FAM135B: variants seen among roughly 807,000 people sequenced by gnomAD.
FAM135B encodes protein FAM135B.
FAM135B carries 43 observed loss-of-function variants against 127.7 expected under a neutral mutation model. That is an observed-to-expected ratio of 0.34 (90% CI 0.26 to 0.43). FAM135B has a LOEUF of 0.43. Ranked by LOEUF, FAM135B falls within the 20% of genes least tolerant of loss-of-function variation. The pLI, the probability that FAM135B is intolerant of heterozygous loss-of-function variation, is 1.00. For synonymous variants in FAM135B, 670 were observed against 665.1 expected (o/e 1.01, Z -0.11); for missense variants, 1,558 against 1,725.6 (o/e 0.90, Z 1.72).
intron 3 of FAM135B, among the ~76,000 whole-genome samples, chr8:138,303,995 C>T (rs969386484): frequency 6.6e-6 from 1 of 152,224 alleles, no homozygotes; most frequent in African/African-American, 2.4e-5. Flanking sequence ...AGCTTTTGGA[C>T]ACAGATGCTA....
At position 138,480,979 on chromosome 8, in the gene FAM135B, G is replaced by A. The variant is rs145798570; in HGVS notation, c.-20+15692C>T. 7.9e-5 allele frequency among the ~76,000 whole-genome samples: 12 copies of A among 152,330 alleles called. No individual in the cohort carries two copies. In the East Asian group the frequency reaches 2.3e-3, roughly 29 times the overall value. ...AGATTACAGGAGAAAACCCTTGTCT[G>A]TTGAATGAACATGTGTTTGAACACA... On this transcript the variant is annotated intron_variant, in intron 1 of 19. Transcript: ENST00000395297.
chr8:138,228,954 T>A (rs1158792328), intron 7 of FAM135B, among the ~76,000 whole-genome samples: 1 of 152,148 alleles, frequency 6.6e-6, no homozygotes, highest in Non-Finnish European at 1.5e-5. Flanking sequence ...GTCTGCTGAT[T>A]GGGTTCCAAA....
intron 1 of FAM135B, among the ~76,000 whole-genome samples, chr8:138,467,842 G>C (rs1837458816): frequency 1.3e-5 from 2 of 152,140 alleles, no homozygotes; most frequent in Admixed American, 1.3e-4. Flanking sequence ...TATGAATGTA[G>C]AGTATACATT....
intron 9 of FAM135B, among the ~76,000 whole-genome samples, chr8:138,187,345 C>T (rs902304825): frequency 6.6e-6 from 1 of 152,184 alleles, no homozygotes; most frequent in Non-Finnish European, 1.5e-5. Flanking sequence ...CTTTTTCATG[C>T]CTTTCCCAAG....
At chr8:138,347,962 T>C (rs911310098) in intron 2 of FAM135B, among the ~76,000 whole-genome samples, 8 of 152,004 alleles carry the variant, frequency 5.3e-5, no homozygotes, top group African/African-American at 1.9e-4. Context: ...AGTACCAAGC[T>C]CACAGTAAAT....
At position 138,202,176 on chromosome 8, in the gene FAM135B, C is replaced by T. The variant is rs1257406562; in HGVS notation, c.670-4507G>A. ...CCCTTCTGAGACTGAAGTAAGTCCA[C>T]TGCAAATGGGAAAATATTTGTATGG... On this transcript the variant is annotated intron_variant, in intron 7 of 19. Transcript: ENST00000395297. Among the ~76,000 whole-genome samples the T allele has an allele frequency of 2.0e-5, 3 of 147,530 alleles. No individual in the cohort carries two copies. In the East Asian group the frequency reaches 6.1e-4, roughly 30 times the overall value.
chr8:138,294,378 C>T (rs942403954), intron 3 of FAM135B, among the ~76,000 whole-genome samples: 1 of 151,914 alleles, frequency 6.6e-6, no homozygotes, highest in Non-Finnish European at 1.5e-5. Context: ...CACCGTACCC[C>T]AAAAGCTACT....
chr8:138,303,433 CAG>C (rs1826026190), intron 3 of FAM135B, among the ~76,000 whole-genome samples: 1 of 151,884 alleles, frequency 6.6e-6, no homozygotes, highest in Non-Finnish European at 1.5e-5. Flanking sequence ...CAGGGCCTGT[CAG>C]GGGGCAGGGG....
intron 1 of FAM135B, among the ~76,000 whole-genome samples, chr8:138,373,481 G>A (rs1400546337): frequency 6.6e-6 from 1 of 150,562 alleles, no homozygotes; most frequent in East Asian, 1.9e-4. Context: ...TGATAATTGC[G>A]TTAACTGCAC....
intron 2 of FAM135B, among the ~76,000 whole-genome samples, chr8:138,337,499 C>A (rs146782394): frequency 6.6e-5 from 10 of 150,574 alleles, no homozygotes; most frequent in South Asian, 2.1e-4. Flanking sequence ...GAGTGAACTC[C>A]CATTCACAAT....
rs2130540623 is a variant in FAM135B, at chr8:138,137,219, G to A, written c.3943C>T (p.Gln1315Ter). The A allele has an allele frequency of 6.2e-7, 1 of 1,612,192 alleles. No individual in the cohort carries two copies. The highest frequency in any genetic ancestry group is 8.5e-7 in the Non-Finnish European group (1 of 1,178,246). Residue 1315 changes from glutamine to a stop codon, truncating the protein, a stop_gained, in exon 19 of 20, where the codon CAA becomes TAA. Transcript: ENST00000395297. LOFTEE classifies it high-confidence loss of function. ...GAATGAAATGGCACATAACGGTCTT[G>A]GGGAGAAGCAACCAGCACGACGTTT... ...FKNVVLVASP[Q>*]DRYVPFHSAR...
At chr8:138,357,034 C>T (rs1830133182) in intron 2 of FAM135B, among the ~76,000 whole-genome samples, 1 of 151,938 alleles carries the variant, frequency 6.6e-6, no homozygotes. Flanking sequence ...AGAGTTTGAT[C>T]AAAGAGAATA....
At chr8:138,142,423 C>T (rs886456845) in intron 16 of FAM135B, among the ~76,000 whole-genome samples, 18 of 150,932 alleles carry the variant, frequency 1.2e-4, no homozygotes, top group African/African-American at 3.9e-4. Context: ...CCTGCGTCAG[C>T]CTCCTGAGTA....
At chr8:138,334,117 T>G (rs1306432156) in intron 2 of FAM135B, among the ~76,000 whole-genome samples, 1 of 152,152 alleles carries the variant, frequency 6.6e-6, no homozygotes, top group Non-Finnish European at 1.5e-5. Context: ...GAGACGGGGT[T>G]TTGCCATGTT....
At chr8:138,229,045 G>A (rs1303205661) in intron 7 of FAM135B, among the ~76,000 whole-genome samples, 4 of 67,464 alleles carry the variant, frequency 5.9e-5, no homozygotes, top group Admixed American at 1.3e-4. Flanking sequence ...ACTCACACGT[G>A]TGTGTGTGTG....
At chr8:138,418,545 G>C (rs1834302428) in intron 1 of FAM135B, among the ~76,000 whole-genome samples, 1 of 151,880 alleles carries the variant, frequency 6.6e-6, no homozygotes, top group Non-Finnish European at 1.5e-5. Flanking sequence ...GGCAGCTAGA[G>C]AGAAGAGGTA....
In FAM135B at chr8:138,132,741, T is replaced by C. The variant is rs1195105922; in HGVS notation, c.4073A>G (p.Asp1358Gly). 6.2e-7 allele frequency: 1 copy of C among 1,614,170 alleles called. No individual in the cohort carries two copies. Among genetic ancestry groups the C allele is most frequent in the Non-Finnish European group, 8.5e-7 (1 of 1,180,036 alleles). Residue 1358 changes from aspartate (D) to glycine (G), a missense_variant, in exon 20 of 20, where the codon GAC becomes GGC. Asp to Gly is a moderately conservative substitution (Grantham distance 94, BLOSUM62 -1). Coordinates refer to ENST00000395297, the MANE Select transcript of FAM135B (RefSeq NM_015912.4). The surrounding 1 kb of genome is among the most constrained non-coding windows in gnomAD (Gnocchi z 4.5). ...NLLGPLVEAK[D>G]CTLIRHNVFH... ...CACGTTGTGTCGGATTAAAGTGCAG[T>C]CCTTGGCTTCAACCAGAGGGCCCAG...
chr8:138,263,006 C>T (rs12545573), intron 4 of FAM135B, among the ~76,000 whole-genome samples: 151,405 of 151,550 alleles, frequency 1, 75,630 homozygotes, highest in Non-Finnish European at 1. Context: ...GCAGAGACAG[C>T]GGTTATCAGA....
Position 138,152,432 on chromosome 8 carries a change from G to A in FAM135B, c.2043C>T (p.Ser681=), listed in dbSNP as rs759228176. ...VLSGVIKRSS[S]IISDSGIESE... is the part of the protein sequence containing the mutation. ...TCTCAATGCCTGAATCAGATATGAT[G>A]GATGAAGATCTCTTGATGACCCCGG... The change falls in exon 13 of 20, where the codon TCC becomes TCT. Residue 681 remains serine (S), a synonymous_variant. Transcript: ENST00000395297. The A allele has an allele frequency of 4.3e-6, 7 of 1,614,164 alleles. No individual in the cohort carries two copies. The South Asian group carries it at 7.7e-5, about 18-fold the overall frequency.
Sources: allele counts gnomAD v4.1 joint callset (sites outside exome capture counted in the v4.1 genomes callset), GRCh38; gene constraint gnomAD v4.1.1; non-coding constraint Gnocchi (gnomAD v3.1); transcripts MANE v1.5; gene names NCBI Gene and HGNC (gene_info 2026-07-23, HGNC 2026-07-21).